CRYBA4: variants seen among roughly 807,000 people sequenced by gnomAD.
CRYBA4 encodes the protein beta-crystallin A4.
A neutral mutation model predicts 31.7 loss-of-function variants in CRYBA4; 30 were observed. That is an observed-to-expected ratio of 0.95 (90% CI 0.71 to 1.28). CRYBA4 has a LOEUF of 1.28. Ranked by LOEUF, CRYBA4 falls within the 50% of genes most tolerant of loss-of-function variation. The pLI is 0.00. For missense variants in CRYBA4, 225 were observed against 260.7 expected (o/e 0.86, Z 0.94); for synonymous variants, 102 against 102.3 (o/e 1.00, Z 0.02).
chr22:26,626,049 G>A (rs1159944873), intron 4 of CRYBA4, among the ~76,000 whole-genome samples: 3 of 152,142 alleles, frequency 2.0e-5, no homozygotes, highest in Non-Finnish European at 4.4e-5. Context: ...TTTTTGGAGT[G>A]TGGGTGGAGG....
the CRYBA4 span, among the ~76,000 whole-genome samples, chr22:26,610,948 G>C: frequency 2.0e-5 from 3 of 152,290 alleles, no homozygotes; most frequent in East Asian, 3.9e-4. Context: ...CTTTCAAAGT[G>C]GGGGAGACAA....
upstream of CRYBA4, among the ~76,000 whole-genome samples, chr22:26,620,074 G>A (rs192217108): frequency 3.4e-5 from 5 of 149,226 alleles, no homozygotes; most frequent in African/African-American, 7.4e-5. Flanking sequence ...CCCCAATTAC[G>A]GATAAGGAAA....
At chr22:26,594,102 TGGGCA>T in the CRYBA4 span, among the ~76,000 whole-genome samples, 1 of 152,116 alleles carries the variant, frequency 6.6e-6, no homozygotes, top group Non-Finnish European at 1.5e-5. Flanking sequence ...TAAAAGTAAG[TGGGCA>T]GGTTTTCTTC....
the CRYBA4 span, chr22:26,607,756 T>C: frequency 1.7e-6 from 2 of 1,201,486 alleles, no homozygotes; most frequent in East Asian, 4.8e-5. Context: ...GAATCCACGG[T>C]CCTTTGACAA....
the CRYBA4 span, among the ~76,000 whole-genome samples, chr22:26,609,500 G>A: frequency 1.3e-3 from 204 of 152,176 alleles, 1 homozygote; most frequent in Admixed American, 1.4e-3. Flanking sequence ...ATGGATGAAG[G>A]GATGGTTGAA....
the CRYBA4 span, chr22:26,616,484 A>G: frequency 3.1e-6 from 2 of 653,188 alleles, no homozygotes; most frequent in Non-Finnish European, 5.5e-6. Flanking sequence ...TTTTTCTTTC[A>G]TCCCTACTTC....
the CRYBA4 span, among the ~76,000 whole-genome samples, chr22:26,592,414 G>T: frequency 6.6e-6 from 1 of 152,350 alleles, no homozygotes; most frequent in Middle Eastern, 3.4e-3. Flanking sequence ...GATGAGGCAG[G>T]AGCAGCAGAG....
the CRYBA4 span, among the ~76,000 whole-genome samples, chr22:26,609,387 T>C: frequency 6.6e-6 from 1 of 152,124 alleles, no homozygotes; most frequent in Non-Finnish European, 1.5e-5. Flanking sequence ...GATGGATGGA[T>C]GGACAGATGA....
chr22:26,616,140 C>A, the CRYBA4 span: 5 of 1,613,888 alleles, frequency 3.1e-6, no homozygotes, highest in Non-Finnish European at 4.2e-6. Context: ...AGGTCCTTAC[C>A]CTGTAGTTCC....
At chr22:26,607,287 G>T in the CRYBA4 span, among the ~76,000 whole-genome samples, 4 of 152,116 alleles carry the variant, frequency 2.6e-5, no homozygotes, top group Non-Finnish European at 4.4e-5. Context: ...CTCCCAAAGT[G>T]CTGGGATTAC....
the CRYBA4 span, among the ~76,000 whole-genome samples, chr22:26,607,492 G>C: frequency 2.0e-5 from 3 of 150,666 alleles, no homozygotes; most frequent in African/African-American, 7.3e-5. Flanking sequence ...AGGAGTTCAA[G>C]GCTGCAGTGA....
the CRYBA4 span, among the ~76,000 whole-genome samples, chr22:26,613,564 A>C: frequency 6.6e-6 from 1 of 152,224 alleles, no homozygotes; most frequent in African/African-American, 2.4e-5. Context: ...GATTTCATGG[A>C]CACTTATCAC....
chr22:26,622,415 G>C (rs1315542594), intron 1 of CRYBA4, among the ~76,000 whole-genome samples, 170 bp from the exon 2 acceptor site: 1 of 152,112 alleles, frequency 6.6e-6, no homozygotes, highest in Non-Finnish European at 1.5e-5. Flanking sequence ...GATGGCATTG[G>C]TGACAGATGG....
At position 26,628,296 on chromosome 22, in the gene CRYBA4, T is replaced by C; in HGVS notation, c.309T>C (p.Arg103=). The change falls in exon 5 of 6, where the codon CGT becomes CGC. Residue 103 remains arginine, a synonymous_variant. Transcript: ENST00000354760. The part of the protein sequence containing the change: ...SFRPAACANH[R]DSRLTIFEQE... Reference sequence around the variant, plus strand: ...GTTCCCTGTTCCTGTAGAACCACCGTGACTCGAGGCTGACAATCTTCGAGC... The same window carrying C: ...GTTCCCTGTTCCTGTAGAACCACCGCGACTCGAGGCTGACAATCTTCGAGC... The C allele has an allele frequency of 6.2e-7, 1 of 1,613,928 alleles. No individual in the cohort carries two copies. Among genetic ancestry groups the C allele is most frequent in the Admixed American group, 1.7e-5 (1 of 60,016 alleles).
chr22:26,612,185 C>T, the CRYBA4 span: 1 of 1,612,126 alleles, frequency 6.2e-7, no homozygotes, highest in African/African-American at 1.3e-5. Flanking sequence ...GTTCGAAGAC[C>T]ACCAGCTGCA....
chr22:26,626,173 G>A (rs1017509960), intron 4 of CRYBA4, among the ~76,000 whole-genome samples: 6 of 152,124 alleles, frequency 3.9e-5, no homozygotes, highest in African/African-American at 9.7e-5. Flanking sequence ...AGGCCAAGGC[G>A]GGTAGATCAC....
chr22:26,621,311 G>T (rs556831216), upstream of CRYBA4, among the ~76,000 whole-genome samples: 1 of 152,138 alleles, frequency 6.6e-6, no homozygotes, highest in East Asian at 1.9e-4. Context: ...TTCCCTTCAG[G>T]TCCCCTGAGC....
At chr22:26,599,716 C>T in the CRYBA4 span, 18 of 1,527,968 alleles carry the variant, frequency 1.2e-5, no homozygotes, top group African/African-American at 2.7e-5. Context: ...CAGCCTGTCT[C>T]GTTGCCTGGC....
intron 1 of CRYBA4, 123 bp downstream of exon 1, chr22:26,622,109 T>A: frequency 3.0e-6 from 1 of 337,756 alleles, no homozygotes; most frequent in Non-Finnish European, 4.3e-6. Context: ...ATCCTCATCC[T>A]AACCAAGGAT....
Sources: allele counts gnomAD v4.1 joint callset (sites outside exome capture counted in the v4.1 genomes callset), GRCh38; gene constraint gnomAD v4.1.1; transcripts MANE v1.5; gene names NCBI Gene and HGNC (gene_info 2026-07-23, HGNC 2026-07-21).